Variants in LURAP1L observed in about 807,000 individuals in gnomAD.
LURAP1L encodes the protein leucine rich adaptor protein 1-like.
In LURAP1L, 12 loss-of-function variants were observed where a neutral mutation model predicts 13.8. The observed-to-expected ratio is 0.87, with a 90% CI of 0.56 to 1.41. The LOEUF (loss-of-function observed/expected upper bound fraction) is 1.41. LURAP1L is among the 40% of genes most tolerant of loss of function. The pLI is 0.00. For missense variants in LURAP1L, 375 were observed against 292.9 expected (o/e 1.28, Z -2.04); for synonymous variants, 139 against 119.2 (o/e 1.17, Z -1.08).
chr9:12,777,078 G>C (rs1367705535), intron 1 of LURAP1L: 7 of 270,764 alleles, frequency 2.6e-5, no homozygotes, highest in African/African-American at 1.6e-4. Context: ...AGTTGCTTTT[G>C]ATTTGCTTCA....
chr9:12,788,904 T>C (rs527981728), intron 1 of LURAP1L, among the ~76,000 whole-genome samples: 1 of 150,304 alleles, frequency 6.7e-6, no homozygotes, highest in African/African-American at 2.4e-5. Context: ...TCTATATATA[T>C]ATATATATTT....
At chr9:12,785,585 C>G (rs149898715) in intron 1 of LURAP1L, among the ~76,000 whole-genome samples, 1 of 152,342 alleles carries the variant, frequency 6.6e-6, no homozygotes, top group East Asian at 1.9e-4. Flanking sequence ...AATCTGAATG[C>G]TTCCAGTGTG....
At chr9:12,779,135 A>C (rs1402436875) in intron 1 of LURAP1L, among the ~76,000 whole-genome samples, 2 of 152,160 alleles carry the variant, frequency 1.3e-5, no homozygotes, top group African/African-American at 2.4e-5. Context: ...AGTTGACTGT[A>C]GGTAACTAAA....
rs112223639 is a variant in LURAP1L at position 12,779,063 on chromosome 9, T to C, written c.312+3036T>C. On this transcript the variant is annotated intron_variant, in intron 1 of 1. Coordinates refer to ENST00000319264, the MANE Select transcript of LURAP1L (RefSeq NM_203403.2). ...AAAACAGTGTATTGCTATGTGAATGTCTCTCTCTCTCTTTCTCTCTCATTC... is the reference window on the plus strand; with the variant it reads ...AAAACAGTGTATTGCTATGTGAATGCCTCTCTCTCTCTTTCTCTCTCATTC... 3.8e-3 allele frequency among the ~76,000 whole-genome samples: 580 copies of C among 151,780 alleles called. 4 individuals carry two copies. Among genetic ancestry groups the C allele is most frequent in the African/African-American group, 0.013 (544 of 41,416 alleles).
At chr9:12,791,011 C>T (rs978034698) in intron 1 of LURAP1L, among the ~76,000 whole-genome samples, 1 of 152,070 alleles carries the variant, frequency 6.6e-6, no homozygotes, top group East Asian at 1.9e-4. Flanking sequence ...GCATTAATTC[C>T]CTGACTATCC....
At chr9:12,798,764 T>G (rs1009530266) in intron 1 of LURAP1L, among the ~76,000 whole-genome samples, 1 of 152,186 alleles carries the variant, frequency 6.6e-6, no homozygotes, top group Non-Finnish European at 1.5e-5. Flanking sequence ...TCAGAAATAT[T>G]TTTTTGAATT....
chr9:12,811,533 C>T (rs140127704), intron 1 of LURAP1L, among the ~76,000 whole-genome samples: 1 of 152,246 alleles, frequency 6.6e-6, no homozygotes, highest in East Asian at 1.9e-4. Context: ...TTTCCTTGAA[C>T]ATTTTTTGTT....
intron 1 of LURAP1L, among the ~76,000 whole-genome samples, chr9:12,780,669 A>G (rs1819257067): frequency 6.6e-6 from 1 of 152,172 alleles, no homozygotes; most frequent in South Asian, 2.1e-4. Flanking sequence ...ACTGTGAACG[A>G]ACATTTTTAT....
intron 1 of LURAP1L, among the ~76,000 whole-genome samples, chr9:12,816,319 C>T (rs1477294744): frequency 1.3e-5 from 2 of 152,158 alleles, no homozygotes; most frequent in East Asian, 3.9e-4. Context: ...AACTACTTTA[C>T]CACCTTCACT....
intron 1 of LURAP1L, among the ~76,000 whole-genome samples, chr9:12,788,179 G>GAAAGAAAGAA (rs1819387028): frequency 2.7e-5 from 4 of 147,612 alleles, no homozygotes; most frequent in Non-Finnish European, 5.9e-5. Flanking sequence ...AAGAAAGAAA[G>GAAAGAAAGAA]AAAGAAAGAA....
intron 1 of LURAP1L, among the ~76,000 whole-genome samples, chr9:12,796,453 T>A (rs1413302794): frequency 6.6e-6 from 1 of 152,038 alleles, no homozygotes; most frequent in Non-Finnish European, 1.5e-5. Context: ...TATAAACCCT[T>A]TCCTGTGTTA....
At position 12,821,724 on chromosome 9, in the gene LURAP1L, T is replaced by G. The variant is rs1270801009; in HGVS notation, c.651T>G (p.Arg217=). Residue 217 remains arginine, a synonymous_variant, in exon 2 of 2, where the codon CGT becomes CGG. Transcript: ENST00000319264. ...AGGACTCACAGGCACTACACAAGCG[T>G]CCTAAATTGGATTCTGAATACTACT... is the stretch of plus-strand genomic sequence containing the variant. The part of the protein sequence containing the change: ...LIEDSQALHK[R]PKLDSEYYCF... The G allele has an allele frequency of 1.2e-6, 2 of 1,613,994 alleles. No individual in the cohort carries two copies. The highest frequency in any genetic ancestry group is 1.7e-6 in the Non-Finnish European group (2 of 1,179,888).
At chr9:12,794,070 T>A (rs1819481398) in intron 1 of LURAP1L, among the ~76,000 whole-genome samples, 1 of 152,020 alleles carries the variant, frequency 6.6e-6, no homozygotes, top group Non-Finnish European at 1.5e-5. Context: ...AGGAGTAATA[T>A]CAGATGTCCA....
chr9:12,802,370 T>A (rs1346969947), intron 1 of LURAP1L, among the ~76,000 whole-genome samples: 1 of 152,096 alleles, frequency 6.6e-6, no homozygotes, highest in Non-Finnish European at 1.5e-5. Flanking sequence ...TTCACATCAC[T>A]CTCCTTGATG....
chr9:12,806,970 A>T (rs896194414), intron 1 of LURAP1L, among the ~76,000 whole-genome samples: 1 of 141,212 alleles, frequency 7.1e-6, no homozygotes, highest in African/African-American at 2.7e-5. Context: ...ATGAGTCTAA[A>T]CCATCGCGCC....
At chr9:12,797,898 G>A (rs960194455) in intron 1 of LURAP1L, among the ~76,000 whole-genome samples, 1 of 151,872 alleles carries the variant, frequency 6.6e-6, no homozygotes, top group African/African-American at 2.4e-5. Context: ...CATTTTGTTT[G>A]TTTTCTTTTT....
chr9:12,794,990 C>G (rs1276288364), intron 1 of LURAP1L, among the ~76,000 whole-genome samples: 1 of 151,734 alleles, frequency 6.6e-6, no homozygotes, highest in Non-Finnish European at 1.5e-5. Context: ...ATAGAAAACT[C>G]TTGTTTAATC....
chr9:12,780,802 T>A (rs933641244), intron 1 of LURAP1L, among the ~76,000 whole-genome samples: 1 of 152,068 alleles, frequency 6.6e-6, no homozygotes, highest in Non-Finnish European at 1.5e-5. Flanking sequence ...TAATAAATTG[T>A]ATAAATAAGA....
intron 1 of LURAP1L, among the ~76,000 whole-genome samples, chr9:12,806,793 T>C (rs10960803): frequency 0.14 from 20,637 of 151,550 alleles, 1,730 homozygotes; most frequent in East Asian, 0.3. Context: ...ATGTTCTTCA[T>C]TTGAGGTGAC....
Sources: gnomAD v4.1 joint callset for allele counts (sites outside exome capture counted in the v4.1 genomes callset) on GRCh38, gnomAD v4.1.1 for gene constraint, MANE v1.5 for transcripts, NCBI Gene and HGNC (gene_info 2026-07-23, HGNC 2026-07-21) for gene names.